The following RIPOR3 variants were observed in gnomAD, a reference collection of about 807,000 sequenced individuals.
The protein encoded by RIPOR3 is family with sequence similarity 65 member C.
A neutral mutation model predicts 114.3 loss-of-function variants in RIPOR3; 95 were observed. The observed-to-expected ratio is 0.83, with a 90% CI of 0.70 to 0.99. The LOEUF (loss-of-function observed/expected upper bound fraction) is 0.99. Among genes scored for constraint, RIPOR3 ranks in the 50% least tolerant of loss-of-function variants. The pLI, the probability that RIPOR3 is intolerant of heterozygous loss-of-function variation, is 0.00. For synonymous variants in RIPOR3, 575 were observed against 543.8 expected, an observed-to-expected ratio of 1.06 and a Z score of -0.80; for missense variants, 1,252 against 1,266.9, an observed-to-expected ratio of 0.99 and a Z score of 0.18.
intron 1 of RIPOR3, among the ~76,000 whole-genome samples, chr20:50,635,966 G>A (rs1371089488): frequency 6.6e-6 from 1 of 152,230 alleles, no homozygotes; most frequent in African/African-American, 2.4e-5. Flanking sequence ...GGTGGTGGCC[G>A]AGAAAAATCA....
chr20:50,612,426 A>G (rs1253838417), intron 4 of RIPOR3, among the ~76,000 whole-genome samples: 1 of 152,184 alleles, frequency 6.6e-6, no homozygotes, highest in African/African-American at 2.4e-5. Flanking sequence ...ATTTTAAAAT[A>G]TAGTGACTCT....
rs2082918989 is a variant in RIPOR3 at position 50,586,151 on chromosome 20, A to T, written c.*1081T>A. The T allele has an allele frequency of 1.2e-5, 2 of 161,014 alleles. No homozygotes were observed. Among genetic ancestry groups the T allele is most frequent in the Non-Finnish European group, 2.7e-5 (2 of 72,962 alleles). 10.0% of individuals were successfully genotyped at this position (161,014 alleles called of 1,614,324 possible). A position where few individuals can be genotyped will look rare whatever the true frequency, so the allele number is the denominator to read the frequency against. On this transcript the variant is annotated 3_prime_UTR_variant, in exon 22 of 22. Transcript: ENST00000327979. ...ACACCAATAGTTTAATTGAAATTTC[A>T]GAAAATTGAACATATGAACAAGGCA...
intron 1 of RIPOR3, among the ~76,000 whole-genome samples, chr20:50,635,270 T>C (rs2123283371): frequency 6.6e-6 from 1 of 152,342 alleles, no homozygotes; most frequent in East Asian, 1.9e-4. Flanking sequence ...CACTGCCTGC[T>C]ACCTGCTCTG....
intron 1 of RIPOR3, among the ~76,000 whole-genome samples, chr20:50,671,075 G>A (rs759459463): frequency 3.3e-5 from 5 of 152,140 alleles, no homozygotes; most frequent in Non-Finnish European, 7.4e-5. Context: ...CCAAAGGCAT[G>A]CACCACCATG....
chr20:50,654,000 G>A (rs1368924430), intron 1 of RIPOR3: 1 of 151,676 alleles, frequency 6.6e-6, no homozygotes, highest in East Asian at 1.9e-4. Flanking sequence ...TTATCTGTAA[G>A]TGTGACCACC....
rs187473061 is a variant in RIPOR3, at chr20:50,670,086, G to A, written c.3+21040C>T. Among the ~76,000 whole-genome samples the A allele has an allele frequency of 6.9e-3, 1,047 of 151,270 alleles. 10 individuals carry two copies. The highest frequency in any genetic ancestry group is 0.024 in the African/African-American group (997 of 41,152). On this transcript the variant is annotated intron_variant, in intron 1 of 21. Coordinates refer to ENST00000327979, the MANE Select transcript of RIPOR3 (RefSeq NM_001290268.2). ...GCAAGAGAATCACTTGAACCCGGGA[G>A]GCGGAGGTTGCAGTGAGCTGAGATC... is the stretch of plus-strand genomic sequence containing the variant.
In RIPOR3 at chr20:50,599,954, G is replaced by A. The variant is rs937757033; in HGVS notation, c.1659+2118C>T. On this transcript the variant is annotated intron_variant, in intron 13 of 21. Coordinates refer to ENST00000327979, the MANE Select transcript of RIPOR3 (RefSeq NM_001290268.2). ...CTCGCTCTGTTGCCCAGGCTGGAGTGCATTGGTGCGATCTTGGCTCACTGT... is the reference window on the plus strand; with the variant it reads ...CTCGCTCTGTTGCCCAGGCTGGAGTACATTGGTGCGATCTTGGCTCACTGT... Among the ~76,000 whole-genome samples the A allele has an allele frequency of 2.0e-5, 3 of 152,168 alleles. No homozygotes were observed. The South Asian group carries it at 6.2e-4, about 32-fold the overall frequency.
chr20:50,666,382 A>G (rs1259260380), intron 1 of RIPOR3, among the ~76,000 whole-genome samples: 1 of 147,658 alleles, frequency 6.8e-6, no homozygotes, highest in Non-Finnish European at 1.5e-5. Context: ...CTGCCACTAC[A>G]CCCAGCTAAA....
chr20:50,594,306 C>G (rs2083212957), intron 17 of RIPOR3, among the ~76,000 whole-genome samples: 1 of 151,770 alleles, frequency 6.6e-6, no homozygotes, highest in Admixed American at 6.6e-5. Context: ...ATGCACCGGC[C>G]CACCAAGTTT....
intron 1 of RIPOR3, among the ~76,000 whole-genome samples, chr20:50,670,306 G>A (rs1303999463): frequency 1.3e-5 from 2 of 152,050 alleles, no homozygotes; most frequent in East Asian, 1.9e-4. Context: ...CTTGGGCATC[G>A]GACTTGGCTA....
At chr20:50,672,007 T>C (rs1434037672) in intron 1 of RIPOR3, among the ~76,000 whole-genome samples, 2 of 128,718 alleles carry the variant, frequency 1.6e-5, no homozygotes, top group Non-Finnish European at 3.2e-5. Flanking sequence ...GATGGATGGA[T>C]GGATGGATGG....
At chr20:50,681,962 C>T (rs2086874787) in intron 1 of RIPOR3, among the ~76,000 whole-genome samples, 1 of 152,200 alleles carries the variant, frequency 6.6e-6, no homozygotes, top group South Asian at 2.1e-4. Context: ...TCCACCCATT[C>T]AGGTGGCAAA....
intron 11 of RIPOR3, among the ~76,000 whole-genome samples, chr20:50,606,354 G>C (rs1009533725): frequency 9.9e-5 from 15 of 152,280 alleles, no homozygotes; most frequent in African/African-American, 3.6e-4. Context: ...AAGACACCAA[G>C]GTCTGAAGGG....
chr20:50,679,888 T>C (rs2086805431), intron 1 of RIPOR3, among the ~76,000 whole-genome samples: 1 of 151,692 alleles, frequency 6.6e-6, no homozygotes, highest in Non-Finnish European at 1.5e-5. Context: ...GCTCAGGAGG[T>C]TGAGGCTGCA....
intron 1 of RIPOR3, among the ~76,000 whole-genome samples, 170 bp from the exon 2 acceptor site, chr20:50,631,026 A>AGGGGACCTGATG (rs2084803268): frequency 1.3e-5 from 2 of 152,170 alleles, no homozygotes; most frequent in Non-Finnish European, 2.9e-5. Context: ...CCATGAGGTT[A>AGGGGACCTGATG]GGGGACCTGA....
At chr20:50,633,118 CA>C (rs1568897969) in intron 1 of RIPOR3, among the ~76,000 whole-genome samples, 1 of 152,080 alleles carries the variant, frequency 6.6e-6, no homozygotes, top group Non-Finnish European at 1.5e-5. Flanking sequence ...AAAAATTAGC[CA>C]GGCTTGGTGG....
intron 3 of RIPOR3, among the ~76,000 whole-genome samples, chr20:50,619,585 C>T (rs1412821195): frequency 6.6e-6 from 1 of 152,246 alleles, no homozygotes; most frequent in Non-Finnish European, 1.5e-5. Context: ...GCTCACAGTG[C>T]AGGCTCCTAC....
At chr20:50,680,660 C>T (rs1209422365) in intron 1 of RIPOR3, among the ~76,000 whole-genome samples, 1 of 152,252 alleles carries the variant, frequency 6.6e-6, no homozygotes, top group African/African-American at 2.4e-5. Flanking sequence ...ACCAGAGCAG[C>T]CTCTTACGCA....
chr20:50,619,878 C>T (rs2084331671), intron 3 of RIPOR3, 108 bp downstream of exon 3: 1 of 1,401,324 alleles, frequency 7.1e-7, no homozygotes, highest in East Asian at 2.3e-5. Context: ...GGAACTTAAC[C>T]TGTCACCTCT....
Sources: gnomAD v4.1 joint callset for allele counts (sites outside exome capture counted in the v4.1 genomes callset) on GRCh38, gnomAD v4.1.1 for gene constraint, MANE v1.5 for transcripts, NCBI Gene and HGNC (gene_info 2026-07-23, HGNC 2026-07-21) for gene names.